MYO3B: variants seen among roughly 807,000 people sequenced by gnomAD.
MYO3B encodes myosin-IIIb.
Under a neutral mutation model 174.6 loss-of-function variants are expected in MYO3B, and 156 were observed. That is an observed-to-expected ratio of 0.89 (90% CI 0.78 to 1.02). The LOEUF (loss-of-function observed/expected upper bound fraction) is 1.02. MYO3B is among the 50% of genes least tolerant of loss of function. The pLI, the probability that MYO3B is intolerant of heterozygous loss-of-function variation, is 0.00. For synonymous variants in MYO3B, 563 were observed against 569.1 expected (o/e 0.99, Z 0.15); for missense variants, 1,632 against 1,639.4 (o/e 1.00, Z 0.08).
intron 32 of MYO3B, among the ~76,000 whole-genome samples, chr2:170,592,561 TA>T (rs1019318522): frequency 6.6e-6 from 1 of 152,204 alleles, no homozygotes; most frequent in Non-Finnish European, 1.5e-5. Flanking sequence ...AAAGAGAAGA[TA>T]AGGCAATTCA....
intron 32 of MYO3B, among the ~76,000 whole-genome samples, chr2:170,647,696 G>C (rs1344542421): frequency 6.6e-6 from 1 of 152,088 alleles, no homozygotes; most frequent in Non-Finnish European, 1.5e-5. Context: ...TAAGTAATGG[G>C]AGAAATATTA....
At chr2:170,200,749 C>T (rs115441822) in intron 3 of MYO3B, among the ~76,000 whole-genome samples, 2,562 of 152,100 alleles carry the variant, frequency 0.017, 44 homozygotes, top group African/African-American at 0.044. Context: ...GAGTTCTTAG[C>T]GGAGGTAGAC....
At chr2:170,564,084 A>G (rs1218858667) in intron 32 of MYO3B, among the ~76,000 whole-genome samples, 1 of 152,230 alleles carries the variant, frequency 6.6e-6, no homozygotes, top group African/African-American at 2.4e-5. Context: ...AGAATTTTCA[A>G]ATCATGTGAA....
chr2:170,443,446 G>A (rs959992413), intron 22 of MYO3B, among the ~76,000 whole-genome samples: 13 of 152,146 alleles, frequency 8.5e-5, no homozygotes, highest in African/African-American at 3.1e-4. Context: ...TAGGTTGCCT[G>A]TTCACTCTGA....
At chr2:170,504,333 T>C (rs546326127) in intron 28 of MYO3B, among the ~76,000 whole-genome samples, 92 of 152,360 alleles carry the variant, frequency 6.0e-4, no homozygotes, top group African/African-American at 2.2e-3. Context: ...TGCTAAGATA[T>C]GTTATATATT....
At chr2:170,336,413 A>G (rs918760363) in intron 8 of MYO3B, among the ~76,000 whole-genome samples, 5 of 152,184 alleles carry the variant, frequency 3.3e-5, no homozygotes, top group Non-Finnish European at 7.4e-5. Flanking sequence ...GCAATAAAGC[A>G]AAGTGGGTCT....
At chr2:170,344,668 A>G (rs1016043298) in intron 8 of MYO3B, 1 of 152,184 alleles carries the variant, frequency 6.6e-6, no homozygotes, top group Non-Finnish European at 1.5e-5. Flanking sequence ...AGCAGTCTGC[A>G]TCATGCTACT....
At chr2:170,264,727 T>C (rs1221927288) in intron 7 of MYO3B, among the ~76,000 whole-genome samples, 2 of 152,234 alleles carry the variant, frequency 1.3e-5, no homozygotes, top group Non-Finnish European at 2.9e-5. Flanking sequence ...TTATTACTAC[T>C]GTCTTATGCT....
chr2:170,653,282 C>T lies in MYO3B; in HGVS notation c.*161C>T, dbSNP rs970511890. 4 of 796,154 alleles carry T rather than the reference C, an allele frequency of 5.0e-6. No homozygotes were observed. The highest frequency in any genetic ancestry group is 5.0e-5 in the Admixed American group (2 of 40,254). 49.3% of individuals were successfully genotyped at this position (796,154 alleles called of 1,614,324 possible). On this transcript the variant is annotated 3_prime_UTR_variant, in exon 35 of 35. Coordinates refer to ENST00000408978, the MANE Select transcript of MYO3B (RefSeq NM_138995.5). ...ACTTGCAGATTCCAAAACATCTTATCCTATCCTCTACCACTCTCCCACATG... is the reference window on the plus strand; with the variant it reads ...ACTTGCAGATTCCAAAACATCTTATTCTATCCTCTACCACTCTCCCACATG...
intron 32 of MYO3B, among the ~76,000 whole-genome samples, chr2:170,566,061 A>C (rs957856017): frequency 2.6e-5 from 4 of 152,204 alleles, no homozygotes; most frequent in Non-Finnish European, 5.9e-5. Flanking sequence ...AGGCAACTTG[A>C]AATATTAGTC....
chr2:170,304,468 C>CTTTTTTTTTTTTTTTTTTTTTTTTTTTTT (rs34449441), intron 7 of MYO3B, among the ~76,000 whole-genome samples: 1 of 131,834 alleles, frequency 7.6e-6, no homozygotes. Flanking sequence ...TTTTCTTTTT[C>CTTTTTTTTTTTTTTTTTTTTTTTTTTTTT]TTTTTTTTTT....
chr2:170,498,245 A>T (rs1167083594), intron 25 of MYO3B, among the ~76,000 whole-genome samples: 5 of 152,202 alleles, frequency 3.3e-5, no homozygotes, highest in African/African-American at 1.2e-4. Flanking sequence ...TATAGTAGTA[A>T]TACTAATATT....
At chr2:170,324,215 G>A (rs1458582527) in intron 7 of MYO3B, among the ~76,000 whole-genome samples, 1 of 152,164 alleles carries the variant, frequency 6.6e-6, no homozygotes, top group Non-Finnish European at 1.5e-5. Flanking sequence ...GTCTGTATTT[G>A]TGGCCCTTTC....
chr2:170,230,336 ATT>A (rs60171555), intron 6 of MYO3B, among the ~76,000 whole-genome samples: 11 of 64,722 alleles, frequency 1.7e-4, no homozygotes, highest in African/African-American at 6.8e-4. Flanking sequence ...CGCCTGGCTA[ATT>A]TTTTTTTTTT....
chr2:170,444,096 G>A, intron 23 of MYO3B, 50 bp downstream of exon 23: 1 of 1,511,962 alleles, frequency 6.6e-7, no homozygotes, highest in Non-Finnish European at 9.2e-7. Context: ...AGGTACTCTT[G>A]ACCCAGGGAT....
intron 32 of MYO3B, among the ~76,000 whole-genome samples, chr2:170,564,673 A>C (rs74484412): frequency 0.018 from 2,729 of 152,300 alleles, 72 homozygotes; most frequent in East Asian, 0.088. Flanking sequence ...GAGAGCATTG[A>C]AAAAATGTTT....
chr2:170,401,630 A>G lies in MYO3B; in HGVS notation c.2068A>G (p.Arg690Gly). ...RDAMSKALYG[R>G]LFSWIVNRIN... ...CGCCATGTCCAAAGCCCTGTATGGGAGGCTCTTCAGCTGGATTGTGAATCG... is the reference window on the plus strand; with the variant it reads ...CGCCATGTCCAAAGCCCTGTATGGGGGGCTCTTCAGCTGGATTGTGAATCG... The change falls in exon 18 of 35, where the codon AGG (arginine) becomes GGG (glycine). Residue 690 changes from arginine to glycine, a missense_variant. Arg to Gly is a moderately radical substitution (Grantham distance 125). Coordinates refer to ENST00000408978, the MANE Select transcript of MYO3B (RefSeq NM_138995.5). 6.2e-7 allele frequency: 1 copy of G among 1,614,052 alleles called. No individual in the cohort carries two copies. Among genetic ancestry groups the G allele is most frequent in the Non-Finnish European group, 8.5e-7 (1 of 1,180,002 alleles).
At chr2:170,231,127 C>T (rs1360738782) in intron 6 of MYO3B, among the ~76,000 whole-genome samples, 1 of 152,290 alleles carries the variant, frequency 6.6e-6, no homozygotes, top group East Asian at 1.9e-4. Context: ...TGTGTCAAAG[C>T]AGTTGTGCAT....
chr2:170,256,884 T>C (rs2093309292), intron 7 of MYO3B, among the ~76,000 whole-genome samples: 1 of 151,994 alleles, frequency 6.6e-6, no homozygotes, highest in Non-Finnish European at 1.5e-5. Context: ...ATGGCACCCA[T>C]AGACTCAAAG....
Sources: allele counts gnomAD v4.1 joint callset (sites outside exome capture counted in the v4.1 genomes callset), GRCh38; gene constraint gnomAD v4.1.1; transcripts MANE v1.5; gene names NCBI Gene and HGNC (gene_info 2026-07-23, HGNC 2026-07-21).